COG5: variants seen among roughly 807,000 people sequenced by gnomAD.
The protein encoded by COG5 is conserved oligomeric Golgi complex subunit 5.
In COG5, 86 loss-of-function variants were observed where a neutral mutation model predicts 110.4. The observed-to-expected ratio is 0.78, with a 90% confidence interval of 0.65 to 0.93. The LOEUF (loss-of-function observed/expected upper bound fraction) is 0.93, where lower values mean the gene tolerates loss of function less well. Among genes scored for constraint, COG5 ranks in the 40% least tolerant of loss-of-function variants. The pLI is 0.00. For synonymous variants in COG5, 360 were observed against 334.6 expected (o/e 1.08, Z -0.83); for missense variants, 1,077 against 987.0 (o/e 1.09, Z -1.22).
chr7:107,228,300 C>T (rs900590271), intron 19 of COG5, among the ~76,000 whole-genome samples: 4 of 128,702 alleles, frequency 3.1e-5, no homozygotes, highest in Admixed American at 8.2e-5. Flanking sequence ...GAGTGACACC[C>T]GGTCTCAAAA....
At chr7:107,312,553 A>T (rs764925526) in intron 11 of COG5, among the ~76,000 whole-genome samples, 2 of 152,204 alleles carry the variant, frequency 1.3e-5, no homozygotes, top group Non-Finnish European at 2.9e-5. Context: ...AAAGACAAGT[A>T]TGAGTTACAG....
chr7:107,416,053 G>T (rs79543922), intron 6 of COG5, among the ~76,000 whole-genome samples: 1,628 of 147,764 alleles, frequency 0.011, 47 homozygotes, highest in African/African-American at 0.039. Flanking sequence ...TAGCAACATT[G>T]TAAGTTAGTA....
rs73187329 is a variant in COG5, at chr7:107,239,400, C to T, written c.1854-2713G>A. On this transcript the variant is annotated intron_variant, in intron 17 of 21. Transcript: ENST00000297135. Reference sequence around the variant, plus strand: ...AAATTAGGTAGTGTGATACCTCTAGCTTTATTTTTGCTCAAGATTGCCTTG... The same window carrying T: ...AAATTAGGTAGTGTGATACCTCTAGTTTTATTTTTGCTCAAGATTGCCTTG... Among the ~76,000 whole-genome samples the T allele has an allele frequency of 1.7e-3, 258 of 152,234 alleles. 1 individual carries two copies. Among genetic ancestry groups the T allele is most frequent in the Non-Finnish European group, 3.0e-3 (206 of 68,016 alleles).
At chr7:107,417,607 T>C (rs1186754949) in intron 6 of COG5, among the ~76,000 whole-genome samples, 1 of 152,172 alleles carries the variant, frequency 6.6e-6, no homozygotes, top group African/African-American at 2.4e-5. Context: ...GTTAGCTTCT[T>C]GATACAAATT....
intron 6 of COG5, among the ~76,000 whole-genome samples, chr7:107,451,920 T>C (rs1795364410): frequency 6.6e-6 from 1 of 152,132 alleles, no homozygotes; most frequent in Non-Finnish European, 1.5e-5. Context: ...ACATGGATTT[T>C]TGACTGCATG....
chr7:107,508,137 AG>A (rs1799176087), intron 6 of COG5, among the ~76,000 whole-genome samples: 2 of 152,218 alleles, frequency 1.3e-5, no homozygotes, highest in African/African-American at 4.8e-5. Context: ...AGTCAAAGAA[AG>A]GGGTGACAGA....
At position 107,412,618 on chromosome 7, in the gene COG5, C is replaced by G; in HGVS notation, c.553G>C (p.Gly185Arg). 3.9e-6 allele frequency: 6 copies of G among 1,540,992 alleles called. No individual in the cohort carries two copies. Among genetic ancestry groups the G allele is most frequent in the African/African-American group, 1.4e-5 (1 of 73,276 alleles). Residue 185 changes from glycine to arginine, a missense_variant, in exon 7 of 22, where the codon GGA becomes CGA. Gly to Arg is a moderately radical substitution (Grantham distance 125). Transcript: ENST00000297135. The stretch of plus-strand genomic sequence containing the variant: ...ACTTCTATTCCAGAAAGATCTATTC[C>G]TTGAGAAAGATAATCTGTTTAAAAC... ...SLNELDYLSQ[G>R]IDLSGIEVIE...
intron 1 of COG5, among the ~76,000 whole-genome samples, chr7:107,563,310 A>C (rs1204233673): frequency 6.6e-6 from 1 of 151,978 alleles, no homozygotes; most frequent in Non-Finnish European, 1.5e-5. Context: ...GAAAAAAAAA[A>C]CCAGCCTGTA....
intron 21 of COG5, among the ~76,000 whole-genome samples, chr7:107,207,373 G>C (rs1319431302): frequency 2.0e-5 from 3 of 152,142 alleles, no homozygotes; most frequent in Non-Finnish European, 4.4e-5. Context: ...GTGGACCCTG[G>C]ACCATGGCAA....
At chr7:107,292,095 G>C (rs1806226108) in intron 12 of COG5, among the ~76,000 whole-genome samples, 1 of 152,092 alleles carries the variant, frequency 6.6e-6, no homozygotes, top group Non-Finnish European at 1.5e-5. Flanking sequence ...GGAGTATAGT[G>C]GTGTGATCCC....
intron 6 of COG5, among the ~76,000 whole-genome samples, chr7:107,419,397 A>T (rs574136310): frequency 4.6e-5 from 7 of 152,090 alleles, no homozygotes; most frequent in Non-Finnish European, 1.0e-4. Flanking sequence ...ACTAAAAATA[A>T]TTTCTTAACC....
At chr7:107,426,021 G>T (rs1311033947) in intron 6 of COG5, among the ~76,000 whole-genome samples, 1 of 152,138 alleles carries the variant, frequency 6.6e-6, no homozygotes, top group Non-Finnish European at 1.5e-5. Flanking sequence ...GAACTCCCAA[G>T]ACTGCCAGCA....
At chr7:107,469,932 A>C (rs1351117969) in intron 6 of COG5, 2 of 152,082 alleles carry the variant, frequency 1.3e-5, no homozygotes, top group East Asian at 3.9e-4. Context: ...TATATAAAAC[A>C]GTGGGGAGCG....
intron 10 of COG5, among the ~76,000 whole-genome samples, chr7:107,354,956 C>G (rs991576256): frequency 6.6e-6 from 1 of 152,144 alleles, no homozygotes; most frequent in African/African-American, 2.4e-5. Context: ...ACAAAAGAAG[C>G]CCTTTAAGAT....
At chr7:107,483,477 G>A (rs938228643) in intron 6 of COG5, among the ~76,000 whole-genome samples, 58 of 152,232 alleles carry the variant, frequency 3.8e-4, no homozygotes, top group African/African-American at 1.3e-3. Context: ...AGGCTGAGGT[G>A]GGTGGATCAC....
At chr7:107,238,452 C>A (rs1801367996) in intron 17 of COG5, among the ~76,000 whole-genome samples, 1 of 151,176 alleles carries the variant, frequency 6.6e-6, no homozygotes, top group South Asian at 2.1e-4. Context: ...AGTAATGCTG[C>A]AATGAACATG....
intron 6 of COG5, among the ~76,000 whole-genome samples, chr7:107,481,717 C>A (rs956655720): frequency 6.6e-6 from 1 of 152,036 alleles, no homozygotes; most frequent in Admixed American, 6.5e-5. Context: ...TCTTAAAAAG[C>A]TTTGTCTTTT....
chr7:107,231,609 T>C (rs757860495), intron 18 of COG5, among the ~76,000 whole-genome samples: 18 of 152,178 alleles, frequency 1.2e-4, no homozygotes, highest in Non-Finnish European at 2.1e-4. Flanking sequence ...TCCCTGATAG[T>C]ACAGCACCTT....
At chr7:107,210,971 C>G in intron 20 of COG5, 128 bp downstream of exon 20, 2 of 1,135,998 alleles carry the variant, frequency 1.8e-6, no homozygotes, top group South Asian at 1.3e-5. Flanking sequence ...TATTCACTGT[C>G]AAAGATAGAC....
Sources: gnomAD v4.1 joint callset for allele counts (sites outside exome capture counted in the v4.1 genomes callset) on GRCh38, gnomAD v4.1.1 for gene constraint, MANE v1.5 for transcripts, NCBI Gene and HGNC (gene_info 2026-07-23, HGNC 2026-07-21) for gene names.